The following MPRIP variants were observed in gnomAD, a reference collection of about 807,000 sequenced individuals.
MPRIP encodes myosin phosphatase Rho interacting protein.
In MPRIP, 59 loss-of-function variants were observed where a neutral mutation model predicts 234.9. That is an observed-to-expected ratio of 0.25 (90% CI 0.20 to 0.31). MPRIP has a LOEUF of 0.31. MPRIP is among the 10% of genes least tolerant of loss of function. The probability of loss-of-function intolerance (pLI) is 1.00; values close to 1 mark genes in which losing one functional copy is unlikely to be tolerated. For missense variants in MPRIP, 2,436 were observed against 3,071.0 expected (o/e 0.79, Z 4.89); for synonymous variants, 1,144 against 1,263.9 (o/e 0.91, Z 2.01).
Position 17,187,700 on chromosome 17 carries a change from A to T in MPRIP, c.*2806A>T, listed in dbSNP as rs1317843284. ...TCTCTCCAGTTTCCTTCCTGCAGGCATCCAAATACCCTGGAAGGGATTTAA... is the reference window on the plus strand; with the variant it reads ...TCTCTCCAGTTTCCTTCCTGCAGGCTTCCAAATACCCTGGAAGGGATTTAA... On this transcript the variant is annotated 3_prime_UTR_variant, in exon 24 of 24. Transcript: ENST00000651222. 6.6e-6 allele frequency: 1 copy of T among 152,302 alleles called. No homozygotes were observed. The highest frequency in any genetic ancestry group is 1.9e-4 in the East Asian group (1 of 5,196). 9.4% of individuals were successfully genotyped at this position (152,302 alleles called of 1,614,324 possible). A position where few individuals can be genotyped will look rare whatever the true frequency, so the allele number is the denominator to read the frequency against.
chr17:17,061,055 G>A (rs552088059), intron 1 of MPRIP, among the ~76,000 whole-genome samples: 2 of 152,334 alleles, frequency 1.3e-5, no homozygotes, highest in African/African-American at 4.8e-5. Flanking sequence ...GGTCAGAGGT[G>A]TGTGCTGAGA....
At chr17:17,150,785 C>T (rs1176546382) in intron 12 of MPRIP, among the ~76,000 whole-genome samples, 1 of 151,698 alleles carries the variant, frequency 6.6e-6, no homozygotes, top group Admixed American at 6.6e-5. Flanking sequence ...TCAAGGACTG[C>T]CTGCAGTCAG....
At chr17:17,089,759 G>A (rs984896823) in intron 3 of MPRIP, among the ~76,000 whole-genome samples, 1 of 152,158 alleles carries the variant, frequency 6.6e-6, no homozygotes, top group Non-Finnish European at 1.5e-5. Flanking sequence ...TCACCACCTA[G>A]GTATCAGCAT....
intron 3 of MPRIP, among the ~76,000 whole-genome samples, chr17:17,107,983 A>G (rs2090095603): frequency 6.6e-6 from 1 of 152,146 alleles, no homozygotes; most frequent in Non-Finnish European, 1.5e-5. Context: ...CCCTGGCCAC[A>G]TGTCCCGCCT....
Position 17,138,632 on chromosome 17 carries a change from C to T in MPRIP, c.1250+203C>T, listed in dbSNP as rs1415816616. On this transcript the variant is annotated intron_variant, in intron 7 of 23. Coordinates refer to ENST00000651222, the MANE Select transcript of MPRIP (RefSeq NM_001364716.4). This position sits in a 1 kb window ranked among gnomAD's most constrained non-coding sequence, Gnocchi z 5.8. The stretch of plus-strand genomic sequence containing the variant: ...GTAGCCAGAATGCAGAATTTCTGAG[C>T]ATCAGAGGTCGACGCCAAGAATAGC... Among the ~76,000 whole-genome samples, 2 of 152,254 alleles carry T rather than the reference C, an allele frequency of 1.3e-5. No individual in the cohort carries two copies. The highest frequency in any genetic ancestry group is 2.9e-5 in the Non-Finnish European group (2 of 68,046).
chr17:17,132,166 C>T (rs1022312626), intron 5 of MPRIP, among the ~76,000 whole-genome samples: 5 of 152,136 alleles, frequency 3.3e-5, no homozygotes, highest in Non-Finnish European at 5.9e-5. Context: ...CTGAGCAGGG[C>T]GTGGCTGACT....
At chr17:17,058,164 T>C (rs1210703498) in intron 1 of MPRIP, among the ~76,000 whole-genome samples, 1 of 152,218 alleles carries the variant, frequency 6.6e-6, no homozygotes, top group Admixed American at 6.5e-5. Flanking sequence ...TGGAGTCCCC[T>C]GCTTTTCTGA....
In MPRIP at chr17:17,158,522, G is replaced by A. The variant is rs756692810; in HGVS notation, c.1920G>A (p.Pro640=). 29 of 1,611,574 alleles carry A rather than the reference G, an allele frequency of 1.8e-5. No individual in the cohort carries two copies. Among genetic ancestry groups the A allele is most frequent in the Middle Eastern group, 1.9e-4 (1 of 5,144 alleles). Residue 640 remains proline, a synonymous_variant, in exon 14 of 24, where the codon CCG becomes CCA. Coordinates refer to ENST00000651222, the MANE Select transcript of MPRIP (RefSeq NM_001364716.4). The stretch of plus-strand genomic sequence containing the variant: ...AGCAAGAGGCAGAGCTGGGGGAGCC[G>A]GACCCTGAGCAGAAGAGGAGCCGCG... ...TEKQEAELGE[P]DPEQKRSRAR... is the part of the protein sequence containing the mutation.
At chr17:17,089,176 T>C (rs1164830387) in intron 3 of MPRIP, among the ~76,000 whole-genome samples, 1 of 152,340 alleles carries the variant, frequency 6.6e-6, no homozygotes, top group East Asian at 1.9e-4. Context: ...GCCACAAACT[T>C]AGTGGCTTAA....
At chr17:17,092,738 A>G (rs187065248) in intron 3 of MPRIP, among the ~76,000 whole-genome samples, 1 of 150,678 alleles carries the variant, frequency 6.6e-6, no homozygotes, top group Non-Finnish European at 1.5e-5. Flanking sequence ...CTTGTTCTCT[A>G]TCTCTCTCTC....
intron 3 of MPRIP, among the ~76,000 whole-genome samples, chr17:17,094,365 A>G (rs1328153481): frequency 6.6e-6 from 1 of 152,200 alleles, no homozygotes; most frequent in Non-Finnish European, 1.5e-5. Flanking sequence ...TTCATATGCA[A>G]GGGTCTGATT....
chr17:17,162,492 T>G (rs2045894932), intron 15 of MPRIP, among the ~76,000 whole-genome samples: 1 of 152,222 alleles, frequency 6.6e-6, no homozygotes, highest in Non-Finnish European at 1.5e-5. Context: ...TCTTTCTTTC[T>G]GCCCCACATG....
chr17:17,137,678 G>C (rs540100195), intron 6 of MPRIP, among the ~76,000 whole-genome samples: 1 of 152,168 alleles, frequency 6.6e-6, no homozygotes, highest in Non-Finnish European at 1.5e-5. Flanking sequence ...GTCTGGCTGA[G>C]AGGCAGCCAG....
intron 12 of MPRIP, among the ~76,000 whole-genome samples, chr17:17,152,336 C>T (rs558362344): frequency 1.3e-5 from 2 of 152,376 alleles, no homozygotes; most frequent in East Asian, 1.9e-4. Context: ...CAGCTTTCTC[C>T]AGGCAGGGCA....
chr17:17,101,935 C>T lies in MPRIP; in HGVS notation c.267+23859C>T, dbSNP rs139262952. 8.5e-5 allele frequency among the ~76,000 whole-genome samples: 13 copies of T among 152,326 alleles called. 1 individual carries two copies. The East Asian group carries it at 1.5e-3, about 18-fold the overall frequency. ...TTGGCCTAAAAGAGGGCTGGCTTACCCTTGGCTCAAATGTCACCCGCAGGG... is the reference window on the plus strand; with the variant it reads ...TTGGCCTAAAAGAGGGCTGGCTTACTCTTGGCTCAAATGTCACCCGCAGGG... On this transcript the variant is annotated intron_variant, in intron 3 of 23. Coordinates refer to ENST00000651222, the MANE Select transcript of MPRIP (RefSeq NM_001364716.4).
At chr17:17,181,768 G>A (rs1442809377) in intron 23 of MPRIP, 3 of 152,198 alleles carry the variant, frequency 2.0e-5, no homozygotes, top group South Asian at 2.1e-4. Flanking sequence ...TCACTGACAG[G>A]ACCCTTCCAG....
intron 3 of MPRIP, among the ~76,000 whole-genome samples, chr17:17,109,444 A>G (rs535394669): frequency 1.3e-5 from 2 of 152,262 alleles, no homozygotes; most frequent in Non-Finnish European, 2.9e-5. Flanking sequence ...GGCAGGTGGC[A>G]GGAGCCACTG....
chr17:17,167,144 G>T lies in MPRIP; in HGVS notation c.5553G>T (p.Ala1851=), dbSNP rs777977477. The T allele has an allele frequency of 3.1e-6, 4 of 1,304,176 alleles. No homozygotes were observed. The South Asian group carries it at 4.9e-5, about 16-fold the overall frequency. The allele number at this position is 1,304,176 out of a possible 1,614,324, so 80.8% of individuals were successfully genotyped here. A position where few individuals can be genotyped will look rare whatever the true frequency, so the allele number is the denominator to read the frequency against. The change falls in exon 16 of 24, where the codon GCG becomes GCT. Residue 1851 remains alanine, a synonymous_variant. Transcript: ENST00000651222. This position sits in a 1 kb window ranked among gnomAD's most constrained non-coding sequence, Gnocchi z 5.9. ...TTATTCAGGCCCAGGTTTGCTATGC[G>T]TCCTGCAGAATCCGGCTAGAATATG... The part of the protein sequence containing the change: ...DAIIQAQVCY[A]SCRIRLEYEK...
At chr17:17,053,115 G>A (rs1030902950) in intron 1 of MPRIP, among the ~76,000 whole-genome samples, 2 of 151,986 alleles carry the variant, frequency 1.3e-5, no homozygotes, top group East Asian at 3.9e-4. Context: ...CGCGGGAGGG[G>A]TGGGTCAGGG....
Sources: gnomAD v4.1 joint callset for allele counts (sites outside exome capture counted in the v4.1 genomes callset) on GRCh38, gnomAD v4.1.1 for gene constraint, Gnocchi (gnomAD v3.1) non-coding constraint, MANE v1.5 for transcripts, NCBI Gene and HGNC (gene_info 2026-07-23, HGNC 2026-07-21) for gene names.